The following TMX4 variants were observed in gnomAD, a reference collection of about 807,000 sequenced individuals.
TMX4 encodes thioredoxin related transmembrane protein 4, also known as thioredoxin-related transmembrane protein 4.
A neutral mutation model predicts 33.3 loss-of-function variants in TMX4; 23 were observed. The observed-to-expected ratio is 0.69, with a 90% CI of 0.50 to 0.98. TMX4 has a LOEUF of 0.98. TMX4 is among the 50% of genes least tolerant of loss of function. The pLI, the probability that TMX4 is intolerant of heterozygous loss-of-function variation, is 0.00. For missense variants in TMX4, 399 were observed against 448.9 expected, an observed-to-expected ratio of 0.89 and a Z score of 1.01; for synonymous variants, 164 against 161.5, an observed-to-expected ratio of 1.02 and a Z score of -0.12.
intron 4 of TMX4, among the ~76,000 whole-genome samples, chr20:7,998,105 C>T (rs906262486): frequency 6.6e-6 from 1 of 152,088 alleles, no homozygotes; most frequent in Admixed American, 6.5e-5. Flanking sequence ...CAGCATCATC[C>T]TTCCTGTACA....
intron 6 of TMX4, among the ~76,000 whole-genome samples, chr20:7,987,018 T>C (rs1397356904): frequency 6.8e-6 from 1 of 146,596 alleles, no homozygotes; most frequent in Non-Finnish European, 1.5e-5. Flanking sequence ...TAGTAAGGTC[T>C]CTTTTTTTTT....
In TMX4 at chr20:7,982,173, G is replaced by A. The variant is rs1171189052; in HGVS notation, c.*78C>T. 4.8e-6 allele frequency: 7 copies of A among 1,445,466 alleles called. No homozygotes were observed. The East Asian group carries it at 1.6e-4, about 33-fold the overall frequency. The allele number at this position is 1,445,466 out of a possible 1,614,324, so 89.5% of individuals were successfully genotyped here. A position where few individuals can be genotyped will look rare whatever the true frequency, so the allele number is the denominator to read the frequency against. On this transcript the variant is annotated 3_prime_UTR_variant, in exon 8 of 8. Transcript: ENST00000246024. ...AGCTTGCTCATTCAGGAAAAATTAA[G>A]GATTTGGTACAAACTGCAGGCCAAA...
chr20:7,985,878 C>T (rs1282053119), intron 6 of TMX4, among the ~76,000 whole-genome samples: 14 of 152,106 alleles, frequency 9.2e-5, no homozygotes, highest in South Asian at 6.2e-4. Context: ...GCAGGCAGGC[C>T]TGACTCAATT....
intron 6 of TMX4, 69 bp downstream of exon 6, chr20:7,987,219 G>A: frequency 2.8e-6 from 3 of 1,077,792 alleles, no homozygotes; most frequent in South Asian, 1.5e-5. Context: ...TTCTTTCTTG[G>A]CTGCCTTTTA....
At chr20:7,995,125 T>G (rs1487116915) in intron 5 of TMX4, among the ~76,000 whole-genome samples, 1 of 152,178 alleles carries the variant, frequency 6.6e-6, no homozygotes, top group Non-Finnish European at 1.5e-5. Context: ...TTTTCTTAAA[T>G]GTCTTTCAAC....
chr20:7,985,275 A>T lies in TMX4; in HGVS notation c.616-1418T>A, dbSNP rs867655305. Among the ~76,000 whole-genome samples the T allele has an allele frequency of 8.6e-3, 832 of 96,470 alleles. 5 individuals are homozygous for T. Among genetic ancestry groups the T allele is most frequent in the East Asian group, 0.018 (17 of 924 alleles). The allele number at this position is 96,470 out of a possible 152,430, so 63.3% of individuals were successfully genotyped here. A position where few individuals can be genotyped will look rare whatever the true frequency, so the allele number is the denominator to read the frequency against. ...TGTGTGTGTATATATATATATATAT[A>T]TATTTTTTTTTTTTTTGAGACAGGG... On this transcript the variant is annotated intron_variant, in intron 6 of 7. Coordinates refer to ENST00000246024, the MANE Select transcript of TMX4 (RefSeq NM_021156.4).
chr20:7,982,233 G>A lies in TMX4; in HGVS notation c.*18C>T, dbSNP rs778815054. The A allele has an allele frequency of 6.2e-7, 1 of 1,604,846 alleles. No homozygotes were observed. The highest frequency in any genetic ancestry group is 8.5e-7 in the Non-Finnish European group (1 of 1,174,924). Reference sequence around the variant, plus strand: ...ACATATTGTTTTGGTGTGTATTCTTGAAAACGCATCATTAAATCTACAGTC... The same window carrying A: ...ACATATTGTTTTGGTGTGTATTCTTAAAAACGCATCATTAAATCTACAGTC... On this transcript the variant is annotated 3_prime_UTR_variant, in exon 8 of 8. Coordinates refer to ENST00000246024, the MANE Select transcript of TMX4 (RefSeq NM_021156.4).
chr20:8,003,526 T>A (rs1286156539), intron 2 of TMX4, among the ~76,000 whole-genome samples: 1 of 152,158 alleles, frequency 6.6e-6, no homozygotes, highest in East Asian at 1.9e-4. Flanking sequence ...CATTTAATTA[T>A]ACAATATATA....
rs2050608342 is a variant in TMX4, at chr20:7,982,061, C to T, written c.*190G>A. 1 of 612,010 alleles carries T rather than the reference C, an allele frequency of 1.6e-6. No individual in the cohort carries two copies. 37.9% of individuals were successfully genotyped at this position (612,010 alleles called of 1,614,324 possible). A position where few individuals can be genotyped will look rare whatever the true frequency, so the allele number is the denominator to read the frequency against. On this transcript the variant is annotated 3_prime_UTR_variant, in exon 8 of 8. Transcript: ENST00000246024. Reference sequence around the variant, plus strand: ...AACACTACGTTTGTTTTTCTATATCCTGATTGTCACACCTGGAAGACTCTC... The same window carrying T: ...AACACTACGTTTGTTTTTCTATATCTTGATTGTCACACCTGGAAGACTCTC...
Position 8,019,562 on chromosome 20 carries a change from T to A in TMX4, c.52A>T (p.Ile18Phe). The A allele has an allele frequency of 7.0e-7, 1 of 1,432,702 alleles. No homozygotes were observed. Among genetic ancestry groups the A allele is most frequent in the African/African-American group, 1.5e-5 (1 of 66,752 alleles). The allele number at this position is 1,432,702 out of a possible 1,614,324, so 88.7% of individuals were successfully genotyped here. The change falls in exon 1 of 8, where the codon ATC becomes TTC. Residue 18 changes from isoleucine to phenylalanine, a missense_variant. Coordinates refer to ENST00000246024, the MANE Select transcript of TMX4 (RefSeq NM_021156.4). ...CCTGCCGTCGCCGCCACAGCCGCGA[T>A]CCAGGCGGCCAGGAGCGCCGTTAGC... Reference protein sequence around the residue: ...PQLTALLAAWIAAVAATAGPE... With the variant: ...PQLTALLAAWFAAVAATAGPE...
At chr20:7,997,476 A>G (rs559263150) in intron 4 of TMX4, among the ~76,000 whole-genome samples, 2 of 151,812 alleles carry the variant, frequency 1.3e-5, no homozygotes, top group Non-Finnish European at 2.9e-5. Context: ...ACCAGCCATT[A>G]TCAGTACCAA....
intron 2 of TMX4, among the ~76,000 whole-genome samples, chr20:8,006,096 A>T (rs2050728959): frequency 6.6e-6 from 1 of 152,170 alleles, no homozygotes; most frequent in Admixed American, 6.5e-5. Context: ...CTGGGGCTTC[A>T]GCTGTAAACA....
chr20:7,996,990 T>C (rs1158746466), intron 4 of TMX4, among the ~76,000 whole-genome samples: 1 of 152,190 alleles, frequency 6.6e-6, no homozygotes, highest in Non-Finnish European at 1.5e-5. Flanking sequence ...TCAATGTCCA[T>C]GTCTCAGACC....
At chr20:7,989,896 A>G (rs1002338236) in intron 5 of TMX4, among the ~76,000 whole-genome samples, 1 of 152,206 alleles carries the variant, frequency 6.6e-6, no homozygotes, top group Non-Finnish European at 1.5e-5. Context: ...ATTCAATATT[A>G]TATGTGCTTA....
Position 8,001,667 on chromosome 20 carries a change from T to G in TMX4, c.293-126A>C, listed in dbSNP as rs1370706216. ...GTTGACTCACATTTACTATTTTTTT[T>G]GACTTACAGAAATTTCATTTCTACC... On this transcript the variant is annotated intron_variant, in intron 2 of 7. Coordinates refer to ENST00000246024, the MANE Select transcript of TMX4 (RefSeq NM_021156.4). 4.2e-5 allele frequency: 39 copies of G among 936,694 alleles called. No homozygotes were observed. In the East Asian group the frequency reaches 1.1e-3, roughly 26 times the overall value. 58.0% of individuals were successfully genotyped at this position (936,694 alleles called of 1,614,324 possible). A position where few individuals can be genotyped will look rare whatever the true frequency, so the allele number is the denominator to read the frequency against.
chr20:7,987,276 A>T lies in TMX4; in HGVS notation c.615+12T>A. 6.5e-7 allele frequency: 1 copy of T among 1,530,194 alleles called. No homozygotes were observed. Among genetic ancestry groups the T allele is most frequent in the Non-Finnish European group, 8.8e-7 (1 of 1,133,726 alleles). 94.8% of individuals were successfully genotyped at this position (1,530,194 alleles called of 1,614,324 possible). ...GCCTTAAAGATAGAAAAAGTTTGGT[A>T]TTATCTCTTACCAGACCCATAAAAA... is the stretch of plus-strand genomic sequence containing the variant. On this transcript the variant is annotated intron_variant, in intron 6 of 7. Coordinates refer to ENST00000246024, the MANE Select transcript of TMX4 (RefSeq NM_021156.4).
chr20:8,010,367 A>G (rs776030458), intron 1 of TMX4, 52 bp from the exon 2 acceptor site: 2 of 1,152,438 alleles, frequency 1.7e-6, no homozygotes, highest in Non-Finnish European at 2.4e-6. Context: ...AGAAATCTGC[A>G]AAACAGAGAA....
rs2050586347 is a variant in TMX4, at chr20:7,977,744, T to C, written c.*4507A>G. The C allele has an allele frequency of 6.6e-6, 1 of 152,258 alleles. No individual in the cohort carries two copies. Among genetic ancestry groups the C allele is most frequent in the Non-Finnish European group, 1.5e-5 (1 of 68,050 alleles). 9.4% of individuals were successfully genotyped at this position (152,258 alleles called of 1,614,324 possible). A position where few individuals can be genotyped will look rare whatever the true frequency, so the allele number is the denominator to read the frequency against. On this transcript the variant is annotated 3_prime_UTR_variant, in exon 8 of 8. Coordinates refer to ENST00000246024, the MANE Select transcript of TMX4 (RefSeq NM_021156.4). The stretch of plus-strand genomic sequence containing the variant: ...TTGCATTGCAAATAAGCAATGTTTT[T>C]AGTATAAAAATTGCATTTCCACAAA...
chr20:7,995,023 G>A (rs1031249704), intron 5 of TMX4, among the ~76,000 whole-genome samples: 2 of 152,100 alleles, frequency 1.3e-5, no homozygotes, highest in Non-Finnish European at 2.9e-5. Context: ...CGCCTCTGTT[G>A]TAAAAAATAA....
Sources: gnomAD v4.1 joint callset for allele counts (sites outside exome capture counted in the v4.1 genomes callset) on GRCh38, gnomAD v4.1.1 for gene constraint, MANE v1.5 for transcripts, NCBI Gene and HGNC (gene_info 2026-07-23, HGNC 2026-07-21) for gene names.